The following CDK14 variants were observed in gnomAD, a reference collection of about 807,000 sequenced individuals.
The protein encoded by CDK14 is cyclin dependent kinase 14, also known as cyclin-dependent kinase 14.
Under a neutral mutation model 60.7 loss-of-function variants are expected in CDK14, and 34 were observed. That is an observed-to-expected ratio of 0.56 (90% confidence interval 0.43 to 0.75). The LOEUF is 0.75. Among genes scored for constraint, CDK14 ranks in the 30% least tolerant of loss-of-function variants. The pLI is 0.00. For missense variants in CDK14, 482 were observed against 564.1 expected (o/e 0.85, Z 1.47); for synonymous variants, 197 against 203.7 (o/e 0.97, Z 0.28).
chr7:90,673,921 T>C (rs1193805483), intron 2 of CDK14, among the ~76,000 whole-genome samples: 1 of 152,218 alleles, frequency 6.6e-6, no homozygotes, highest in East Asian at 1.9e-4. Context: ...CCTAATAAGC[T>C]GAGTTAACAA....
intron 5 of CDK14, among the ~76,000 whole-genome samples, chr7:90,857,177 A>G (rs1790851267): frequency 6.6e-6 from 1 of 151,620 alleles, no homozygotes; most frequent in South Asian, 2.1e-4. Flanking sequence ...GATTTTCTGT[A>G]TTATCTCAAA....
intron 8 of CDK14, among the ~76,000 whole-genome samples, chr7:90,946,802 A>G (rs1239878066): frequency 2.0e-5 from 3 of 152,302 alleles, no homozygotes; most frequent in East Asian, 3.9e-4. Flanking sequence ...AAAACAAACA[A>G]ACAAAAAACT....
intron 14 of CDK14, among the ~76,000 whole-genome samples, chr7:91,176,113 C>A (rs1488799720): frequency 4.6e-5 from 7 of 151,566 alleles, no homozygotes; most frequent in East Asian, 3.9e-4. Context: ...AACTATCTCT[C>A]AGACCACAGT....
intron 5 of CDK14, among the ~76,000 whole-genome samples, chr7:90,847,710 G>A (rs10246051): frequency 0.72 from 109,831 of 152,068 alleles, 39,864 homozygotes; most frequent in East Asian, 0.89. Context: ...TTTAACCAGA[G>A]TAAATTTTAT....
chr7:91,141,146 T>A (rs1454738200), intron 14 of CDK14, among the ~76,000 whole-genome samples: 1 of 152,144 alleles, frequency 6.6e-6, no homozygotes, highest in Non-Finnish European at 1.5e-5. Context: ...GAATTTCCAC[T>A]TGAGTGAAGC....
At chr7:90,776,527 T>C (rs1192887045) in intron 4 of CDK14, among the ~76,000 whole-genome samples, 2 of 152,038 alleles carry the variant, frequency 1.3e-5, no homozygotes, top group African/African-American at 4.8e-5. Flanking sequence ...AGAAACCGAG[T>C]GTGAGCTCGG....
intron 10 of CDK14, 63 bp from the exon 11 acceptor site, chr7:91,045,834 T>C: frequency 9.4e-7 from 1 of 1,060,714 alleles, no homozygotes; most frequent in East Asian, 2.4e-5. Context: ...TTTTCTACAC[T>C]TGAGAATTTT....
chr7:90,899,395 T>A, intron 7 of CDK14, 42 bp downstream of exon 7: 1 of 1,471,780 alleles, frequency 6.8e-7, no homozygotes, highest in Admixed American at 2.2e-5. Context: ...GCATTCTTGA[T>A]GTGTATTTTT....
chr7:90,807,401 G>A (rs559595894), intron 5 of CDK14, among the ~76,000 whole-genome samples: 72 of 152,312 alleles, frequency 4.7e-4, no homozygotes, highest in African/African-American at 1.6e-3. Context: ...CTGCAGCTGA[G>A]GGTACTGAAT....
At chr7:90,629,464 T>C (rs942529637) in intron 2 of CDK14, among the ~76,000 whole-genome samples, 1 of 152,196 alleles carries the variant, frequency 6.6e-6, no homozygotes, top group Non-Finnish European at 1.5e-5. Context: ...TAGTCAATAC[T>C]TTTAGGATGC....
chr7:90,901,193 C>T (rs1032534345), intron 7 of CDK14, among the ~76,000 whole-genome samples: 8 of 152,086 alleles, frequency 5.3e-5, no homozygotes, highest in Admixed American at 2.6e-4. Context: ...CTCCTCATTC[C>T]GAGTCCAGGT....
intron 14 of CDK14, among the ~76,000 whole-genome samples, chr7:91,132,040 A>G (rs1056873386): frequency 3.6e-4 from 55 of 151,918 alleles, no homozygotes; most frequent in African/African-American, 1.3e-3. Context: ...CAACCACTAT[A>G]TTGGTGCTCT....
chr7:91,076,443 C>T (rs1459485051), intron 11 of CDK14, among the ~76,000 whole-genome samples: 1 of 151,794 alleles, frequency 6.6e-6, no homozygotes, highest in Non-Finnish European at 1.5e-5. Flanking sequence ...AACTGGCTAG[C>T]CATATGCAGA....
intron 2 of CDK14, among the ~76,000 whole-genome samples, chr7:90,711,884 G>GT (rs71104485): frequency 0.47 from 62,803 of 132,834 alleles, 15,099 homozygotes; most frequent in East Asian, 0.85. Flanking sequence ...AGTCTACTAT[G>GT]TTTTTTTTTT....
chr7:90,686,810 T>TG (rs1270595947), intron 2 of CDK14, among the ~76,000 whole-genome samples: 58 of 152,278 alleles, frequency 3.8e-4, no homozygotes, highest in Middle Eastern at 3.4e-3. Flanking sequence ...GGAGAATCAA[T>TG]GGAACTTTTT....
At chr7:91,113,696 A>T (rs1175313054) in intron 13 of CDK14, among the ~76,000 whole-genome samples, 1 of 152,156 alleles carries the variant, frequency 6.6e-6, no homozygotes, top group African/African-American at 2.4e-5. Flanking sequence ...TTTCTTCATT[A>T]TCTTGGATTT....
chr7:91,111,787 C>G (rs1799475129), intron 12 of CDK14, among the ~76,000 whole-genome samples: 1 of 152,100 alleles, frequency 6.6e-6, no homozygotes, highest in Non-Finnish European at 1.5e-5. Context: ...ATTATCCAGG[C>G]TTGATTGCTC....
chr7:90,678,910 A>G lies in CDK14; in HGVS notation c.124-47657A>G, dbSNP rs528430670. 3.9e-5 allele frequency among the ~76,000 whole-genome samples: 6 copies of G among 152,338 alleles called. No individual in the cohort carries two copies. The East Asian group carries it at 9.6e-4, about 24-fold the overall frequency. On this transcript the variant is annotated intron_variant, in intron 2 of 14. Coordinates refer to ENST00000380050, the MANE Select transcript of CDK14 (RefSeq NM_001287135.2). ...AATCAGTAGCCTACAAAGGAATCGT[A>G]TCAGGAAGAGTTGCAAAGAGAGTTG...
At chr7:90,804,433 T>G (rs1788750545) in intron 5 of CDK14, among the ~76,000 whole-genome samples, 2 of 152,194 alleles carry the variant, frequency 1.3e-5, no homozygotes, top group South Asian at 4.1e-4. Context: ...AATCACCCTT[T>G]CTGTCTGTCA....
Sources: gnomAD v4.1 joint callset for allele counts (sites outside exome capture counted in the v4.1 genomes callset) on GRCh38, gnomAD v4.1.1 for gene constraint, MANE v1.5 for transcripts, NCBI Gene and HGNC (gene_info 2026-07-23, HGNC 2026-07-21) for gene names.